RAD51B: variants seen among roughly 807,000 people sequenced by gnomAD.
RAD51B encodes the protein RAD51 paralog B.
In RAD51B, 38 loss-of-function variants were observed where a neutral mutation model predicts 42.2. That is an observed-to-expected ratio of 0.90 (90% CI 0.70 to 1.18). The LOEUF (loss-of-function observed/expected upper bound fraction) is 1.18, where lower values mean the gene tolerates loss of function less well. Among genes scored for constraint, RAD51B ranks in the 50% most tolerant of loss-of-function variants. RAD51B has a pLI of 0.00. For synonymous variants in RAD51B, 154 were observed against 145.2 expected, an observed-to-expected ratio of 1.06 and a Z score of -0.43; for missense variants, 373 against 400.7, an observed-to-expected ratio of 0.93 and a Z score of 0.59.
chr14:68,332,198 A>G (rs1433437863), intron 8 of RAD51B, among the ~76,000 whole-genome samples: 1 of 152,156 alleles, frequency 6.6e-6, no homozygotes, highest in Non-Finnish European at 1.5e-5. Context: ...ATTTCCTTTC[A>G]ACAGAACTTA....
At chr14:68,271,662 G>A (rs922493055) in intron 7 of RAD51B, among the ~76,000 whole-genome samples, 1 of 152,106 alleles carries the variant, frequency 6.6e-6, no homozygotes, top group East Asian at 1.9e-4. Flanking sequence ...TTCTTTACCT[G>A]TCAAATGGGT....
In RAD51B at chr14:68,035,131, C is replaced by T. The variant is rs1457198487; in HGVS notation, c.756+147927C>T. 2.6e-5 allele frequency among the ~76,000 whole-genome samples: 4 copies of T among 152,236 alleles called. No homozygotes were observed. In the East Asian group the frequency reaches 7.7e-4, roughly 29 times the overall value. On this transcript the variant is annotated intron_variant, in intron 7 of 10. Coordinates refer to ENST00000471583, the MANE Select transcript of RAD51B (RefSeq NM_133510.4). The stretch of plus-strand genomic sequence containing the variant: ...GTGGATTGTTTCTGTGGATTATACT[C>T]ATGGATTTCTGTGGATTATACTCAT...
At chr14:67,891,286 AGTT>A (rs1014889921) in intron 7 of RAD51B, among the ~76,000 whole-genome samples, 34 of 152,138 alleles carry the variant, frequency 2.2e-4, no homozygotes, top group African/African-American at 7.7e-4. Flanking sequence ...TTTCATTGAA[AGTT>A]GTTGTTAAAA....
At chr14:67,989,188 T>TA (rs2075246286) in intron 7 of RAD51B, among the ~76,000 whole-genome samples, 1 of 152,220 alleles carries the variant, frequency 6.6e-6, no homozygotes, top group Non-Finnish European at 1.5e-5. Context: ...TACATGATAT[T>TA]CAAGATTTTA....
At chr14:68,629,467 G>A (rs1378458024) in intron 10 of RAD51B, among the ~76,000 whole-genome samples, 1 of 152,232 alleles carries the variant, frequency 6.6e-6, no homozygotes, top group African/African-American at 2.4e-5. Context: ...GGCGTTAGCA[G>A]CTCTGAAAAG....
chr14:68,164,519 T>G (rs1476540876), intron 7 of RAD51B, among the ~76,000 whole-genome samples: 2 of 152,186 alleles, frequency 1.3e-5, no homozygotes, highest in Non-Finnish European at 2.9e-5. Context: ...ATGACCCTTG[T>G]GTGTTTGCAA....
At chr14:68,220,898 C>T (rs148127889) in intron 7 of RAD51B, among the ~76,000 whole-genome samples, 2 of 151,992 alleles carry the variant, frequency 1.3e-5, no homozygotes, top group African/African-American at 4.8e-5. Flanking sequence ...TTTGGGAGGC[C>T]GAGGCAGGCA....
chr14:67,979,692 T>C (rs191773463), intron 7 of RAD51B, among the ~76,000 whole-genome samples: 1 of 152,338 alleles, frequency 6.6e-6, no homozygotes, highest in African/African-American at 2.4e-5. Flanking sequence ...CTACTATTAT[T>C]ATTTTCATGT....
intron 7 of RAD51B, among the ~76,000 whole-genome samples, chr14:68,044,495 T>C (rs1326248405): frequency 6.6e-6 from 1 of 152,190 alleles, no homozygotes; most frequent in Non-Finnish European, 1.5e-5. Flanking sequence ...TGACTTAGTT[T>C]GTCAGAATAT....
intron 7 of RAD51B, among the ~76,000 whole-genome samples, chr14:68,033,680 C>T (rs981361002): frequency 3.9e-5 from 6 of 152,190 alleles, no homozygotes; most frequent in Non-Finnish European, 5.9e-5. Context: ...GCTATGGCTT[C>T]CACTGTTTTG....
At chr14:68,612,652 A>G (rs1891720772), downstream of RAD51B, among the ~76,000 whole-genome samples, 1 of 152,102 alleles carries the variant, frequency 6.6e-6, no homozygotes, top group Admixed American at 6.5e-5. Flanking sequence ...TATGGATACA[A>G]AGTTTCTGTT....
intron 7 of RAD51B, among the ~76,000 whole-genome samples, chr14:68,092,665 C>T (rs1006335773): frequency 5.3e-5 from 8 of 152,184 alleles, no homozygotes; most frequent in African/African-American, 1.2e-4. Flanking sequence ...TTTGACTTCC[C>T]CTTTTCCTAA....
At chr14:67,987,859 G>C (rs2075221469) in intron 7 of RAD51B, among the ~76,000 whole-genome samples, 1 of 152,190 alleles carries the variant, frequency 6.6e-6, no homozygotes, top group East Asian at 1.9e-4. Flanking sequence ...CGCTTCCTCA[G>C]CGAAATAACA....
downstream of RAD51B, among the ~76,000 whole-genome samples, chr14:68,614,021 C>A (rs1040275924): frequency 6.6e-6 from 1 of 152,154 alleles, no homozygotes; most frequent in African/African-American, 2.4e-5. Context: ...TCACTGTGAT[C>A]CTTTATTCTT....
chr14:68,650,682 G>A, intron 10 of RAD51B: 1 of 653,938 alleles, frequency 1.5e-6, no homozygotes, highest in Non-Finnish European at 2.8e-6. Flanking sequence ...TTTCTCAGAG[G>A]GCTGGATGGC....
chr14:68,059,808 A>G (rs548463203), intron 7 of RAD51B, among the ~76,000 whole-genome samples: 1 of 152,334 alleles, frequency 6.6e-6, no homozygotes, highest in Non-Finnish European at 1.5e-5. Flanking sequence ...CCATTTTCAT[A>G]TACTTCTCTA....
intron 10 of RAD51B, among the ~76,000 whole-genome samples, chr14:68,575,036 C>T (rs1462505429): frequency 6.6e-6 from 1 of 152,190 alleles, no homozygotes; most frequent in Non-Finnish European, 1.5e-5. Flanking sequence ...AGTATGTTCT[C>T]CACAATGACT....
intron 7 of RAD51B, among the ~76,000 whole-genome samples, chr14:68,274,646 AAATGTCACAAAT>A (rs1248406714): frequency 1.3e-5 from 2 of 152,228 alleles, no homozygotes; most frequent in Admixed American, 6.5e-5. Context: ...ATAAAATAAT[AAATGTCACAAAT>A]AATGTCACAA....
intron 9 of RAD51B, among the ~76,000 whole-genome samples, chr14:68,456,927 T>TTTTTTTTTTG: frequency 8.3e-6 from 1 of 121,140 alleles, no homozygotes; most frequent in Non-Finnish European, 1.6e-5. Context: ...TTTTTGCTTT[T>TTTTTTTTTTG]TTTGAGACAG....
Sources: gnomAD v4.1 joint callset for allele counts (sites outside exome capture counted in the v4.1 genomes callset) on GRCh38, gnomAD v4.1.1 for gene constraint, MANE v1.5 for transcripts, NCBI Gene and HGNC (gene_info 2026-07-23, HGNC 2026-07-21) for gene names.